The following ODF2L variants were observed in gnomAD, a reference collection of about 807,000 sequenced individuals.
ODF2L encodes the protein protein BCAP.
ODF2L carries 76 observed loss-of-function variants against 86.3 expected under a neutral mutation model. That is an observed-to-expected ratio of 0.88 (90% CI 0.73 to 1.07). ODF2L has a LOEUF of 1.07. Ranked by LOEUF, ODF2L falls within the 50% of genes least tolerant of loss-of-function variation. The pLI, the probability that ODF2L is intolerant of heterozygous loss-of-function variation, is 0.00. For synonymous variants in ODF2L, 241 were observed against 231.3 expected, an observed-to-expected ratio of 1.04 and a Z score of -0.38; for missense variants, 748 against 717.4, an observed-to-expected ratio of 1.04 and a Z score of -0.49.
intron 12 of ODF2L, among the ~76,000 whole-genome samples, chr1:86,359,311 G>A (rs1165585228): frequency 6.6e-6 from 1 of 151,644 alleles, no homozygotes; most frequent in African/African-American, 2.4e-5. Flanking sequence ...TTCCTGCTGA[G>A]GGATTAAACC....
chr1:86,385,607 A>G lies in ODF2L; in HGVS notation c.114-17T>C, dbSNP rs577627135. 71 of 1,603,774 alleles carry G rather than the reference A, an allele frequency of 4.4e-5. No individual in the cohort carries two copies. The South Asian group carries it at 7.5e-4, about 17-fold the overall frequency. On this transcript the variant is annotated splice_polypyrimidine_tract_variant and intron_variant, in intron 2 of 17. Coordinates refer to ENST00000317336, the Ensembl canonical transcript of ODF2L. The stretch of plus-strand genomic sequence containing the variant: ...TGCTTCAGGCTAATTACAAATGCAC[A>G]TACAAAATTTAAGTTAAATCCATTT...
chr1:86,395,060 G>C (rs1440907701), intron 1 of ODF2L, among the ~76,000 whole-genome samples: 1 of 151,968 alleles, frequency 6.6e-6, no homozygotes, highest in Non-Finnish European at 1.5e-5. Flanking sequence ...GGCCAGGATG[G>C]TCTCGATCTC....
intron 1 of ODF2L, among the ~76,000 whole-genome samples, chr1:86,395,728 A>T (rs919140574): frequency 1.3e-5 from 2 of 152,212 alleles, no homozygotes; most frequent in Non-Finnish European, 2.9e-5. Flanking sequence ...AAATGCAACC[A>T]TATCCAGGAA....
intron 12 of ODF2L, among the ~76,000 whole-genome samples, chr1:86,359,470 C>T (rs941392950): frequency 2.0e-5 from 3 of 151,772 alleles, no homozygotes; most frequent in African/African-American, 7.3e-5. Context: ...GCAGCCCCTT[C>T]CTACTTGCCC....
intron 11 of ODF2L, among the ~76,000 whole-genome samples, chr1:86,361,193 A>G (rs1659009547): frequency 6.6e-6 from 1 of 152,224 alleles, no homozygotes; most frequent in Non-Finnish European, 1.5e-5. Flanking sequence ...CAGAAGGTAC[A>G]AGATTCCTAG....
At chr1:86,386,841 T>C in intron 2 of ODF2L, 74 bp downstream of exon 2, 1 of 720,628 alleles carries the variant, frequency 1.4e-6, no homozygotes, top group Non-Finnish European at 2.4e-6. Flanking sequence ...TTGATTCAAA[T>C]AATTTATATT....
intron 1 of ODF2L, among the ~76,000 whole-genome samples, chr1:86,391,758 A>G (rs1167516202): frequency 2.6e-5 from 4 of 152,188 alleles, no homozygotes; most frequent in Admixed American, 1.3e-4. Context: ...GGAAGATAAC[A>G]TCAGAAAAAC....
At chr1:86,361,638 T>C (rs527693599) in intron 11 of ODF2L, among the ~76,000 whole-genome samples, 80 of 152,224 alleles carry the variant, frequency 5.3e-4, no homozygotes, top group African/African-American at 1.8e-3. Context: ...TATTAGCAAA[T>C]GACAAATTTG....
At chr1:86,354,855 T>C (rs767522821) in exon 15 of ODF2L, 1 of 1,584,046 alleles carries the variant, frequency 6.3e-7, no homozygotes, top group Non-Finnish European at 8.6e-7. Context: ...GTGATTTCCA[T>C]CAACCTAAAA....
intron 1 of ODF2L, among the ~76,000 whole-genome samples, chr1:86,391,963 T>A (rs1038624836): frequency 4.6e-5 from 7 of 151,996 alleles, no homozygotes; most frequent in African/African-American, 1.7e-4. Context: ...GACAAAAGAC[T>A]AATATCCAAA....
intron 17 of ODF2L, chr1:86,352,329 T>C: frequency 8.4e-7 from 1 of 1,191,712 alleles, no homozygotes; most frequent in Non-Finnish European, 1.1e-6. Flanking sequence ...GTTTCATGAG[T>C]ATTCAGGAAA....
At chr1:86,366,589 G>A (rs1248767972) in intron 11 of ODF2L, among the ~76,000 whole-genome samples, 2 of 125,688 alleles carry the variant, frequency 1.6e-5, no homozygotes, top group Non-Finnish European at 3.2e-5. Context: ...ATCAGCAACA[G>A]AGCAAGACTC....
chr1:86,372,619 T>C, intron 8 of ODF2L, 79 bp from the exon 9 acceptor site: 1 of 676,896 alleles, frequency 1.5e-6, no homozygotes, highest in Non-Finnish European at 2.3e-6. Context: ...ACAAATACAT[T>C]ATAAACAGGG....
chr1:86,369,810 AT>A (rs1345116104), intron 10 of ODF2L, among the ~76,000 whole-genome samples: 2 of 152,164 alleles, frequency 1.3e-5, no homozygotes, highest in African/African-American at 4.8e-5. Flanking sequence ...AGGCCACAAC[AT>A]TTTAGACCTA....
chr1:86,386,997 A>G, exon 2 of ODF2L: 1 of 1,581,430 alleles, frequency 6.3e-7, no homozygotes, highest in Non-Finnish European at 8.6e-7. Flanking sequence ...AGTTCTTCTG[A>G]ATGACTTCCA....
chr1:86,379,198 G>C (rs1660396686), intron 7 of ODF2L, among the ~76,000 whole-genome samples: 2 of 152,004 alleles, frequency 1.3e-5, no homozygotes, highest in Non-Finnish European at 2.9e-5. Flanking sequence ...TGGAACTGTG[G>C]GCCAATTAAA....
chr1:86,353,813 G>A (rs569626008), intron 16 of ODF2L, among the ~76,000 whole-genome samples: 4 of 152,298 alleles, frequency 2.6e-5, no homozygotes, highest in African/African-American at 4.8e-5. Context: ...CGCCCTTGGC[G>A]CCGTCCCCTC....
intron 1 of ODF2L, among the ~76,000 whole-genome samples, chr1:86,391,736 T>C: frequency 6.6e-6 from 1 of 152,082 alleles, no homozygotes; most frequent in East Asian, 1.9e-4. Context: ...GACCTGAAAC[T>C]ATAAAAATTC....
At chr1:86,356,309 T>C in intron 14 of ODF2L, 135 bp downstream of exon 13, 2 of 603,376 alleles carry the variant, frequency 3.3e-6, no homozygotes, top group South Asian at 3.1e-5. Context: ...AGTATCTGCA[T>C]GAAAATGATG....
Sources: allele counts gnomAD v4.1 joint callset (sites outside exome capture counted in the v4.1 genomes callset), GRCh38; gene constraint gnomAD v4.1.1; transcripts MANE v1.5; gene names NCBI Gene and HGNC (gene_info 2026-07-23, HGNC 2026-07-21).